PGRMC2: variants seen among roughly 807,000 people sequenced by gnomAD.
The protein encoded by PGRMC2 is membrane-associated progesterone receptor component 2.
A neutral mutation model predicts 19.3 loss-of-function variants in PGRMC2; 9 were observed. The observed-to-expected ratio is 0.47, with a 90% CI of 0.28 to 0.81. The LOEUF (loss-of-function observed/expected upper bound fraction) is 0.81, where lower values mean the gene tolerates loss of function less well. PGRMC2 is among the 40% of genes least tolerant of loss of function. The probability of loss-of-function intolerance (pLI) is 0.11; values close to 1 mark genes in which losing one functional copy is unlikely to be tolerated. For synonymous variants in PGRMC2, 157 were observed against 124.6 expected, an observed-to-expected ratio of 1.26 and a Z score of -1.73; for missense variants, 289 against 297.3, an observed-to-expected ratio of 0.97 and a Z score of 0.21.
intron 1 of PGRMC2, among the ~76,000 whole-genome samples, chr4:128,279,683 C>T (rs1311606538): frequency 6.6e-6 from 1 of 152,124 alleles, no homozygotes; most frequent in Non-Finnish European, 1.5e-5. Context: ...GAATATTATG[C>T]ATGTATTCAA....
intron 1 of PGRMC2, among the ~76,000 whole-genome samples, chr4:128,281,698 TAAAAC>T (rs1416285927): frequency 6.6e-6 from 1 of 152,036 alleles, no homozygotes; most frequent in East Asian, 1.9e-4. Flanking sequence ...GTGAGAAAAA[TAAAAC>T]AACACAGATT....
At chr4:128,282,201 C>T (rs1760918449) in intron 1 of PGRMC2, among the ~76,000 whole-genome samples, 1 of 152,068 alleles carries the variant, frequency 6.6e-6, no homozygotes, top group Non-Finnish European at 1.5e-5. Context: ...GTAATGAAAT[C>T]CAGGGAAGTC....
rs201023150 is a variant in PGRMC2, at chr4:128,272,533, T to C, written c.419-16A>G. 5.8e-4 allele frequency: 734 copies of C among 1,276,064 alleles called. 2 individuals are homozygous for C. Among genetic ancestry groups the C allele is most frequent in the Non-Finnish European group, 6.9e-4 (696 of 1,004,138 alleles). 79.0% of individuals were successfully genotyped at this position (1,276,064 alleles called of 1,614,324 possible). The stretch of plus-strand genomic sequence containing the variant: ...TATGGACCCGCTGGAAAAAAGAAAA[T>C]AAATTATTTAGATCACCTAACAATA... On this transcript the variant is annotated splice_polypyrimidine_tract_variant and intron_variant, in intron 1 of 2. Transcript: ENST00000296425.
At chr4:128,274,141 T>A (rs430431) in intron 1 of PGRMC2, among the ~76,000 whole-genome samples, 36,353 of 152,194 alleles carry the variant, frequency 0.24, 5,561 homozygotes, top group East Asian at 0.48. Context: ...TTCAAATGTG[T>A]CTTCTATATA....
At position 128,269,733 on chromosome 4, in the gene PGRMC2, T is replaced by C. The variant is rs1318904897; in HGVS notation, c.*1583A>G. The C allele has an allele frequency of 1.3e-5, 2 of 152,142 alleles. No homozygotes were observed. Among genetic ancestry groups the C allele is most frequent in the African/African-American group, 4.8e-5 (2 of 41,444 alleles). The allele number at this position is 152,142 out of a possible 1,614,324, so 9.4% of individuals were successfully genotyped here. A position where few individuals can be genotyped will look rare whatever the true frequency, so the allele number is the denominator to read the frequency against. ...CGGAACCTAAGTAGTCATAATGAAA[T>C]AAAGTAATTGATATATGAGGGGCTT... is the stretch of plus-strand genomic sequence containing the variant. On this transcript the variant is annotated 3_prime_UTR_variant, in exon 3 of 3. Coordinates refer to ENST00000296425, the MANE Select transcript of PGRMC2 (RefSeq NM_006320.6).
At position 128,287,374 on chromosome 4, in the gene PGRMC2, C is replaced by G; in HGVS notation, c.417G>C (p.Pro139=). ...TCCCCTCCCCTTCCAACTCCTCACC[C>G]GGGCCGTAGAACTTGCTGCCTTTGG... ...DVTKGSKFYG[P]AGPYGIFAGR... Residue 139 remains proline (P), a splice_region_variant and synonymous_variant, in exon 1 of 3, where the codon CCG becomes CCC. Transcript: ENST00000296425. 6.3e-7 allele frequency: 1 copy of G among 1,596,828 alleles called. No homozygotes were observed. The highest frequency in any genetic ancestry group is 8.6e-7 in the Non-Finnish European group (1 of 1,167,616).
At chr4:128,274,744 T>C (rs923981700) in intron 1 of PGRMC2, among the ~76,000 whole-genome samples, 1 of 151,994 alleles carries the variant, frequency 6.6e-6, no homozygotes, top group Non-Finnish European at 1.5e-5. Context: ...GACCAATGCT[T>C]ATAAACTTAA....
chr4:128,286,843 G>T (rs967986250), intron 1 of PGRMC2: 5 of 384,468 alleles, frequency 1.3e-5, no homozygotes, highest in Non-Finnish European at 2.3e-5. Flanking sequence ...TGGCCTTACG[G>T]AGTAATACAG....
intron 1 of PGRMC2, among the ~76,000 whole-genome samples, chr4:128,283,984 T>A (rs9684361): frequency 0.58 from 87,462 of 150,568 alleles, 26,711 homozygotes; most frequent in Middle Eastern, 0.72. Context: ...TTTATTTTTT[T>A]TTTTTTAGTA....
chr4:128,283,145 A>C (rs925852807), intron 1 of PGRMC2, among the ~76,000 whole-genome samples: 1 of 152,230 alleles, frequency 6.6e-6, no homozygotes, highest in African/African-American at 2.4e-5. Flanking sequence ...AATATTAAAT[A>C]AAATTGTTAA....
intron 1 of PGRMC2, among the ~76,000 whole-genome samples, chr4:128,283,470 C>T (rs1001682428): frequency 2.6e-5 from 4 of 152,136 alleles, no homozygotes; most frequent in African/African-American, 7.2e-5. Context: ...GGTGGCACGC[C>T]AGTCTCACAA....
chr4:128,279,242 A>T (rs1354020439), intron 1 of PGRMC2, among the ~76,000 whole-genome samples: 1 of 152,106 alleles, frequency 6.6e-6, no homozygotes, highest in Non-Finnish European at 1.5e-5. Context: ...GTGGCAAAGG[A>T]TATATGAATA....
At chr4:128,272,550 C>A (rs1760747048) in intron 1 of PGRMC2, 33 bp from the exon 2 acceptor site, 7 of 1,067,392 alleles carry the variant, frequency 6.6e-6, no homozygotes, top group Admixed American at 3.2e-5. Flanking sequence ...TTTAGATCAC[C>A]TAACAATATT....
rs1760850353 is a variant in PGRMC2, at chr4:128,278,487, G to A, written c.419-5970C>T. ...CTCAAGAGGCTGAGGCAGGAGAATC[G>A]CTTGAACCCGGGATACGCAGGTTGC... On this transcript the variant is annotated intron_variant, in intron 1 of 2. Coordinates refer to ENST00000296425, the MANE Select transcript of PGRMC2 (RefSeq NM_006320.6). Among the ~76,000 whole-genome samples the A allele has an allele frequency of 2.6e-5, 4 of 152,188 alleles. 1 individual carries two copies. The South Asian group carries it at 8.3e-4, about 32-fold the overall frequency.
chr4:128,272,223 G>T, intron 2 of PGRMC2, 139 bp downstream of exon 2: 1 of 526,466 alleles, frequency 1.9e-6, no homozygotes, highest in Non-Finnish European at 3.0e-6. Flanking sequence ...CCCAGCTTTA[G>T]CTATCTTTAA....
intron 2 of PGRMC2, among the ~76,000 whole-genome samples, chr4:128,272,034 T>C (rs952004780): frequency 1.3e-5 from 2 of 152,234 alleles, no homozygotes; most frequent in Admixed American, 1.3e-4. Flanking sequence ...TAACAAGTCA[T>C]TTTTTTAAAT....
At chr4:128,273,387 T>G (rs1337170871) in intron 1 of PGRMC2, among the ~76,000 whole-genome samples, 1 of 152,176 alleles carries the variant, frequency 6.6e-6, no homozygotes, top group Non-Finnish European at 1.5e-5. Context: ...GAACAGCAAT[T>G]TGTTCATCAA....
chr4:128,284,047 G>A (rs1307018081), intron 1 of PGRMC2, among the ~76,000 whole-genome samples: 2 of 151,686 alleles, frequency 1.3e-5, no homozygotes, highest in Non-Finnish European at 2.9e-5. Context: ...CTGACCTCAA[G>A]TGATCCGCTT....
chr4:128,270,298 C>T lies in PGRMC2; in HGVS notation c.*1018G>A, dbSNP rs1490824703. 4 of 152,590 alleles carry T rather than the reference C, an allele frequency of 2.6e-5. No individual in the cohort carries two copies. The highest frequency in any genetic ancestry group is 9.7e-5 in the African/African-American group (4 of 41,432). The allele number at this position is 152,590 out of a possible 1,614,324, so 9.5% of individuals were successfully genotyped here. The stretch of plus-strand genomic sequence containing the variant: ...CCAGTGAGATGTGGAGGGTCAGACT[C>T]CTAAAATTAGGCAGCTGTTGGGGAT... On this transcript the variant is annotated 3_prime_UTR_variant, in exon 3 of 3. Coordinates refer to ENST00000296425, the MANE Select transcript of PGRMC2 (RefSeq NM_006320.6).
Sources: gnomAD v4.1 joint callset for allele counts (sites outside exome capture counted in the v4.1 genomes callset) on GRCh38, gnomAD v4.1.1 for gene constraint, MANE v1.5 for transcripts, NCBI Gene and HGNC (gene_info 2026-07-23, HGNC 2026-07-21) for gene names.